Variants in ERO1B observed in about 807,000 individuals in gnomAD.
ERO1B encodes the protein endoplasmic reticulum oxidoreductase 1 beta, also known as ERO1-like protein beta.
ERO1B carries 49 observed loss-of-function variants against 75.3 expected under a neutral mutation model. The observed-to-expected ratio is 0.65, with a 90% CI of 0.52 to 0.83. ERO1B has a LOEUF of 0.83. Among genes scored for constraint, ERO1B ranks in the 40% least tolerant of loss-of-function variants. The probability of loss-of-function intolerance (pLI) is 0.00; values close to 1 mark genes in which losing one functional copy is unlikely to be tolerated. For synonymous variants in ERO1B, 191 were observed against 192.9 expected (o/e 0.99, Z 0.08); for missense variants, 512 against 560.1 (o/e 0.91, Z 0.87).
intron 2 of ERO1B, among the ~76,000 whole-genome samples, chr1:236,255,114 T>A (rs899753038): frequency 4.0e-5 from 6 of 150,880 alleles, no homozygotes; most frequent in African/African-American, 1.5e-4. Context: ...TTTTTTTTTT[T>A]AAGTAGAGAC....
At chr1:236,252,900 T>C (rs1341058934) in intron 3 of ERO1B, among the ~76,000 whole-genome samples, 1 of 152,012 alleles carries the variant, frequency 6.6e-6, no homozygotes, top group Non-Finnish European at 1.5e-5. Context: ...TATAATTAAT[T>C]ATGTTAGATA....
At chr1:236,243,389 A>C in intron 6 of ERO1B, 33 bp downstream of exon 6, 1 of 1,373,280 alleles carries the variant, frequency 7.3e-7, no homozygotes, top group Non-Finnish European at 9.9e-7. Flanking sequence ...GTTAAAGTTA[A>C]AATAATTTAA....
At chr1:236,239,911 A>ATTTTTTTTTTTTTTTT (rs1218642025) in intron 6 of ERO1B, among the ~76,000 whole-genome samples, 1 of 106,964 alleles carries the variant, frequency 9.3e-6, no homozygotes, top group African/African-American at 4.1e-5. Flanking sequence ...ATATATATAT[A>ATTTTTTTTTTTTTTTT]TTTTTTTTTT....
At chr1:236,229,382 G>A (rs1397769116) in intron 10 of ERO1B, among the ~76,000 whole-genome samples, 1 of 150,654 alleles carries the variant, frequency 6.6e-6, no homozygotes, top group African/African-American at 2.4e-5. Flanking sequence ...CCGAGATGGC[G>A]CCACTGCACT....
chr1:236,235,477 G>A (rs779185018), intron 8 of ERO1B, among the ~76,000 whole-genome samples: 1 of 152,164 alleles, frequency 6.6e-6, no homozygotes, highest in African/African-American at 2.4e-5. Context: ...CGTAGGGCCT[G>A]AGCAACCAGA....
intron 3 of ERO1B, among the ~76,000 whole-genome samples, chr1:236,253,068 T>C (rs1357083719): frequency 6.6e-6 from 1 of 152,060 alleles, no homozygotes. Flanking sequence ...CAGTAGCTTG[T>C]TTTTATTTTG....
Position 236,216,716 on chromosome 1 carries a change from A to G in ERO1B, c.*1800T>C, listed in dbSNP as rs1489661332. ...AGGGAGTGGTGAAATAACACTATCAAAAAGTTCTTTACATTTAGAGTGATA... is the reference window on the plus strand; with the variant it reads ...AGGGAGTGGTGAAATAACACTATCAGAAAGTTCTTTACATTTAGAGTGATA... On this transcript the variant is annotated 3_prime_UTR_variant, in exon 16 of 16. Transcript: ENST00000354619. 1 of 152,240 alleles carries G rather than the reference A, an allele frequency of 6.6e-6. No individual in the cohort carries two copies. The highest frequency in any genetic ancestry group is 1.9e-4 in the East Asian group (1 of 5,190). 9.4% of individuals were successfully genotyped at this position (152,240 alleles called of 1,614,324 possible).
intron 15 of ERO1B, among the ~76,000 whole-genome samples, chr1:236,219,441 C>T (rs980071707): frequency 9.9e-5 from 15 of 152,086 alleles, no homozygotes; most frequent in Non-Finnish European, 1.9e-4. Flanking sequence ...TTTATGAGAT[C>T]GAAGGAAATT....
At chr1:236,245,745 CTGGCTAATT>C (rs1664869391) in intron 5 of ERO1B, among the ~76,000 whole-genome samples, 1 of 144,900 alleles carries the variant, frequency 6.9e-6, no homozygotes, top group Admixed American at 7.0e-5. Context: ...GCCACCACGC[CTGGCTAATT>C]TTTTTATTTT....
chr1:236,259,042 T>C (rs1665232972), intron 2 of ERO1B, among the ~76,000 whole-genome samples: 2 of 152,108 alleles, frequency 1.3e-5, no homozygotes, highest in African/African-American at 2.4e-5. Flanking sequence ...AATAAATAAC[T>C]ATAGCTATAA....
At chr1:236,263,433 A>G (rs918339465) in intron 2 of ERO1B, among the ~76,000 whole-genome samples, 2 of 151,952 alleles carry the variant, frequency 1.3e-5, no homozygotes, top group African/African-American at 4.8e-5. Flanking sequence ...TATTTTTAGT[A>G]GAGATGGGGT....
intron 1 of ERO1B, among the ~76,000 whole-genome samples, chr1:236,271,611 C>G (rs1031915346): frequency 5.9e-5 from 9 of 152,026 alleles, no homozygotes; most frequent in Admixed American, 3.3e-4. Flanking sequence ...GAAAAAAATA[C>G]AAACCAAAAA....
In ERO1B at chr1:236,256,303, C is replaced by T. The variant is rs1665158528; in HGVS notation, c.223-2798G>A. On this transcript the variant is annotated intron_variant, in intron 2 of 15. Coordinates refer to ENST00000354619, the MANE Select transcript of ERO1B (RefSeq NM_019891.4). ...ATATTCCCTGTGTCTTCTTCCCTGG[C>T]TTGCTTCAGGGAACTCCAGACCAAA... 5.3e-5 allele frequency among the ~76,000 whole-genome samples: 8 copies of T among 152,146 alleles called. No individual in the cohort carries two copies. In the South Asian group the frequency reaches 1.7e-3, roughly 32 times the overall value.
intron 2 of ERO1B, among the ~76,000 whole-genome samples, chr1:236,255,887 C>T (rs1407083987): frequency 6.6e-6 from 1 of 152,164 alleles, no homozygotes; most frequent in African/African-American, 2.4e-5. Context: ...GCACCTCCTC[C>T]TTCTAGAAAT....
chr1:236,262,098 G>A (rs1260476391), intron 2 of ERO1B, among the ~76,000 whole-genome samples: 4 of 152,194 alleles, frequency 2.6e-5, no homozygotes, highest in African/African-American at 9.7e-5. Context: ...CAAAGCTACT[G>A]TAATCAAAAC....
At chr1:236,230,109 T>C (rs1283272320) in intron 10 of ERO1B, 115 bp downstream of exon 10, 2 of 799,872 alleles carry the variant, frequency 2.5e-6, no homozygotes, top group Non-Finnish European at 2.0e-6. Flanking sequence ...ATTTTTTTTT[T>C]CAAACTGTCA....
At chr1:236,247,387 C>T (rs756203440) in intron 5 of ERO1B, among the ~76,000 whole-genome samples, 17 of 152,260 alleles carry the variant, frequency 1.1e-4, no homozygotes, top group Middle Eastern at 3.4e-3. Flanking sequence ...TGTAGTCATC[C>T]AAAAGCTCAT....
At chr1:236,245,318 ATATACACACACGTATATATATACG>A (rs1558513088) in intron 5 of ERO1B, among the ~76,000 whole-genome samples, 11 of 20,584 alleles carry the variant, frequency 5.3e-4, no homozygotes, top group Admixed American at 2.0e-3. Flanking sequence ...ATATATATAT[ATATACACACACGTATATATATACG>A]TATATATATA....
rs1664047955 is a variant in ERO1B at position 236,218,294 on chromosome 1, T to C, written c.*222A>G. On this transcript the variant is annotated 3_prime_UTR_variant, in exon 16 of 16. Coordinates refer to ENST00000354619, the MANE Select transcript of ERO1B (RefSeq NM_019891.4). ...AAAACATATGAAATTAAACACAAAA[T>C]TAGTATAACTTACATGTTTTAAAAG... 3.9e-6 allele frequency: 1 copy of C among 258,376 alleles called. No individual in the cohort carries two copies. The highest frequency in any genetic ancestry group is 7.0e-6 in the Non-Finnish European group (1 of 143,536). 16.0% of individuals were successfully genotyped at this position (258,376 alleles called of 1,614,324 possible).
Sources: allele counts gnomAD v4.1 joint callset (sites outside exome capture counted in the v4.1 genomes callset), GRCh38; gene constraint gnomAD v4.1.1; transcripts MANE v1.5; gene names NCBI Gene and HGNC (gene_info 2026-07-23, HGNC 2026-07-21).